MAPKAP1: variants seen among roughly 807,000 people sequenced by gnomAD.
The protein encoded by MAPKAP1 is target of rapamycin complex 2 subunit MAPKAP1.
In MAPKAP1, 20 loss-of-function variants were observed where a neutral mutation model predicts 65.7. The ratio of observed to expected loss-of-function variants is 0.30; its 90% confidence interval spans 0.21 to 0.44. MAPKAP1 has a LOEUF of 0.44. Among genes scored for constraint, MAPKAP1 ranks in the 20% least tolerant of loss-of-function variants. The pLI, the probability that MAPKAP1 is intolerant of heterozygous loss-of-function variation, is 1.00. For missense variants in MAPKAP1, 423 were observed against 648.0 expected, an observed-to-expected ratio of 0.65 and a Z score of 3.77; for synonymous variants, 222 against 244.3, an observed-to-expected ratio of 0.91 and a Z score of 0.85.
In MAPKAP1 at chr9:125,444,664, T is replaced by C. The variant is rs1852632462; in HGVS notation, c.1346-66A>G. ...TAACTATGGCGGGGGCCTCCATATG[T>C]TCTCCCCTATCATTCCAATTCGAGC... On this transcript the variant is annotated intron_variant, in intron 10 of 11. Transcript: ENST00000265960. The C allele has an allele frequency of 5.6e-6, 6 of 1,077,640 alleles. No individual in the cohort carries two copies. The African/African-American group carries it at 6.3e-5, about 11-fold the overall frequency. The allele number at this position is 1,077,640 out of a possible 1,614,324, so 66.8% of individuals were successfully genotyped here.
chr9:125,624,613 G>A (rs1019211457), intron 4 of MAPKAP1, among the ~76,000 whole-genome samples: 1 of 46,734 alleles, frequency 2.1e-5, no homozygotes, highest in Non-Finnish European at 4.1e-5. Flanking sequence ...AGGGAGGTGG[G>A]GGGGGGGGTC....
chr9:125,650,675 C>T (rs1833867686), intron 4 of MAPKAP1, among the ~76,000 whole-genome samples: 1 of 152,130 alleles, frequency 6.6e-6, no homozygotes, highest in Non-Finnish European at 1.5e-5. Flanking sequence ...AAGGAAGCCA[C>T]CACAGACTGG....
intron 10 of MAPKAP1, among the ~76,000 whole-genome samples, chr9:125,453,345 C>T (rs1853033442): frequency 1.3e-5 from 2 of 152,262 alleles, no homozygotes; most frequent in South Asian, 4.1e-4. Context: ...GGATTACAGG[C>T]GTGAGCCTCC....
intron 1 of MAPKAP1, among the ~76,000 whole-genome samples, chr9:125,683,680 A>G (rs1834889750): frequency 6.6e-6 from 1 of 152,232 alleles, no homozygotes; most frequent in Non-Finnish European, 1.5e-5. Flanking sequence ...CATCCCTTTA[A>G]GAGCATGAAC....
intron 1 of MAPKAP1, among the ~76,000 whole-genome samples, chr9:125,690,317 A>G (rs1027403712): frequency 6.6e-6 from 1 of 152,330 alleles, no homozygotes; most frequent in African/African-American, 2.4e-5. Context: ...AAACAAAAAC[A>G]TCAGGCCATG....
intron 5 of MAPKAP1, among the ~76,000 whole-genome samples, chr9:125,560,691 A>G (rs1039296179): frequency 6.6e-6 from 1 of 152,256 alleles, no homozygotes; most frequent in African/African-American, 2.4e-5. Flanking sequence ...TCTAAAGAGT[A>G]TCTAAGTCAG....
chr9:125,479,189 A>G (rs1854217211), intron 9 of MAPKAP1, among the ~76,000 whole-genome samples: 1 of 152,262 alleles, frequency 6.6e-6, no homozygotes, highest in African/African-American at 2.4e-5. Context: ...GCACTTGATA[A>G]TAACTGCTTT....
At position 125,438,132 on chromosome 9, in the gene MAPKAP1, G is replaced by A; in HGVS notation, c.*755C>T. 2.6e-6 allele frequency: 1 copy of A among 384,296 alleles called. No homozygotes were observed. The highest frequency in any genetic ancestry group is 4.6e-6 in the Non-Finnish European group (1 of 217,514). The allele number at this position is 384,296 out of a possible 1,614,324, so 23.8% of individuals were successfully genotyped here. ...GTCTGGCTGGGAGTGCAGCGTGCCT[G>A]AGGACCAGCCACCGCCCCTCCTCCT... On this transcript the variant is annotated 3_prime_UTR_variant, in exon 12 of 12. Transcript: ENST00000265960.
At chr9:125,545,339 C>T (rs1830393002) in intron 6 of MAPKAP1, among the ~76,000 whole-genome samples, 1 of 152,216 alleles carries the variant, frequency 6.6e-6, no homozygotes, top group African/African-American at 2.4e-5. Flanking sequence ...GGGGTATTTG[C>T]TCTGGCGCTA....
intron 9 of MAPKAP1, among the ~76,000 whole-genome samples, chr9:125,484,167 T>G (rs557827318): frequency 1.3e-5 from 2 of 152,280 alleles, no homozygotes; most frequent in East Asian, 3.9e-4. Flanking sequence ...AATTACAGAA[T>G]GAAAAGAATT....
chr9:125,597,755 A>G (rs1832181094), intron 4 of MAPKAP1, among the ~76,000 whole-genome samples: 2 of 152,242 alleles, frequency 1.3e-5, no homozygotes, highest in East Asian at 3.8e-4. Context: ...CAGACGATGT[A>G]ATGATGCAAA....
intron 5 of MAPKAP1, among the ~76,000 whole-genome samples, chr9:125,569,777 ATCT>A (rs1323846863): frequency 6.6e-6 from 1 of 152,208 alleles, no homozygotes; most frequent in African/African-American, 2.4e-5. Flanking sequence ...TACTGTAGTA[ATCT>A]TCTTCTGTCT....
intron 1 of MAPKAP1, among the ~76,000 whole-genome samples, chr9:125,687,585 T>C (rs1000582557): frequency 3.4e-5 from 5 of 146,970 alleles, no homozygotes; most frequent in Non-Finnish European, 7.5e-5. Context: ...GAGACCAGCC[T>C]GGGCAACAGA....
chr9:125,538,140 A>G (rs1366151906), intron 7 of MAPKAP1, among the ~76,000 whole-genome samples: 2 of 152,214 alleles, frequency 1.3e-5, no homozygotes, highest in Admixed American at 1.3e-4. Flanking sequence ...TTAATTCTAT[A>G]CAGAACTGAA....
At chr9:125,603,567 GGGGTTTC>G (rs776446655) in intron 4 of MAPKAP1, among the ~76,000 whole-genome samples, 18 of 152,234 alleles carry the variant, frequency 1.2e-4, no homozygotes, top group Non-Finnish European at 1.6e-4. Context: ...CAAAGTCTCC[GGGGTTTC>G]TGCTCAGCCC....
At chr9:125,508,488 T>C (rs1014769327) in intron 7 of MAPKAP1, among the ~76,000 whole-genome samples, 2 of 152,202 alleles carry the variant, frequency 1.3e-5, no homozygotes, top group Admixed American at 6.5e-5. Flanking sequence ...CAACACAGTG[T>C]GCAGAAGCAA....
At chr9:125,680,364 T>C (rs754004810) in intron 1 of MAPKAP1, among the ~76,000 whole-genome samples, 1 of 152,316 alleles carries the variant, frequency 6.6e-6, no homozygotes, top group African/African-American at 2.4e-5. Flanking sequence ...TCAGAATTCA[T>C]ACCTCCTGGA....
intron 1 of MAPKAP1, among the ~76,000 whole-genome samples, chr9:125,682,327 A>G (rs1251546635): frequency 6.6e-6 from 1 of 152,256 alleles, no homozygotes; most frequent in African/African-American, 2.4e-5. Flanking sequence ...GATGTTTCCT[A>G]TAAGGTTGAA....
intron 5 of MAPKAP1, among the ~76,000 whole-genome samples, chr9:125,567,319 T>C (rs1831087533): frequency 6.6e-6 from 1 of 152,010 alleles, no homozygotes; most frequent in South Asian, 2.1e-4. Context: ...CAACACAAAA[T>C]ACAGGTCATA....
Sources: gnomAD v4.1 joint callset for allele counts (sites outside exome capture counted in the v4.1 genomes callset) on GRCh38, gnomAD v4.1.1 for gene constraint, MANE v1.5 for transcripts, NCBI Gene and HGNC (gene_info 2026-07-23, HGNC 2026-07-21) for gene names.